The following ASIP variants were observed in gnomAD, a reference collection of about 807,000 sequenced individuals.
ASIP encodes the protein agouti signaling protein.
ASIP carries 11 observed loss-of-function variants against 10.3 expected under a neutral mutation model. The observed-to-expected ratio is 1.07, with a 90% CI of 0.68 to 1.78. The LOEUF (loss-of-function observed/expected upper bound fraction) is 1.78, where lower values mean the gene tolerates loss of function less well. Among genes scored for constraint, ASIP ranks in the 40% most tolerant of loss-of-function variants. The pLI, the probability that ASIP is intolerant of heterozygous loss-of-function variation, is 0.00. For missense variants in ASIP, 180 were observed against 169.2 expected (o/e 1.06, Z -0.35); for synonymous variants, 70 against 70.8 (o/e 0.99, Z 0.06).
At chr20:34,187,023 A>G in the ASIP span, among the ~76,000 whole-genome samples, 1 of 152,182 alleles carries the variant, frequency 6.6e-6, no homozygotes, top group Non-Finnish European at 1.5e-5. Context: ...CGTGTTACCC[A>G]GGATGGTCTC....
At chr20:34,193,240 C>G (rs1210034310), upstream of ASIP, among the ~76,000 whole-genome samples, 2 of 152,222 alleles carry the variant, frequency 1.3e-5, no homozygotes, top group East Asian at 3.8e-4. Flanking sequence ...ACAGCTACAG[C>G]ATTTCTACAA....
chr20:34,244,209 A>G (rs2035332615), intron 1 of ASIP, among the ~76,000 whole-genome samples: 1 of 152,242 alleles, frequency 6.6e-6, no homozygotes, highest in African/African-American at 2.4e-5. Flanking sequence ...AATTTGCAGC[A>G]TCTGATTTAA....
At chr20:34,253,795 G>A (rs2035523343) in intron 1 of ASIP, among the ~76,000 whole-genome samples, 1 of 152,124 alleles carries the variant, frequency 6.6e-6, no homozygotes, top group Admixed American at 6.6e-5. Context: ...GACCTAGGTG[G>A]ACCTAGGGTC....
intron 1 of ASIP, among the ~76,000 whole-genome samples, chr20:34,236,012 AAGAG>A (rs138295630): frequency 5.4e-4 from 61 of 113,822 alleles, no homozygotes; most frequent in Middle Eastern, 4.3e-3. Flanking sequence ...GAAAGAGAGA[AAGAG>A]AGAGAGAAGA....
chr20:34,239,772 G>T (rs922789043), upstream of ASIP, among the ~76,000 whole-genome samples: 1 of 152,110 alleles, frequency 6.6e-6, no homozygotes, highest in African/African-American at 2.4e-5. Context: ...AAAAGAAATT[G>T]GTTCCTAGAA....
At chr20:34,213,397 T>C in intron 1 of ASIP, 1 of 668,390 alleles carries the variant, frequency 1.5e-6, no homozygotes, top group Non-Finnish European at 2.5e-6. Context: ...GAGTGGAGTG[T>C]TGCTATAACC....
At chr20:34,208,023 C>G (rs554904620) in intron 1 of ASIP, among the ~76,000 whole-genome samples, 11 of 152,028 alleles carry the variant, frequency 7.2e-5, no homozygotes, top group Admixed American at 3.3e-4. Flanking sequence ...GTGATCCACC[C>G]GCCTCGGCTT....
intron 1 of ASIP, among the ~76,000 whole-genome samples, chr20:34,255,227 G>A (rs1443845252): frequency 6.6e-6 from 1 of 152,172 alleles, no homozygotes; most frequent in Non-Finnish European, 1.5e-5. Context: ...CTACCCCTTG[G>A]ATTTGTGAAT....
intron 1 of ASIP, among the ~76,000 whole-genome samples, chr20:34,217,096 T>C (rs1363491517): frequency 6.6e-6 from 1 of 152,156 alleles, no homozygotes; most frequent in Non-Finnish European, 1.5e-5. Flanking sequence ...CTGATCTCTT[T>C]CCAATTTGCC....
chr20:34,250,981 C>T (rs1318056433), intron 1 of ASIP, among the ~76,000 whole-genome samples: 1 of 152,120 alleles, frequency 6.6e-6, no homozygotes, highest in East Asian at 1.9e-4. Flanking sequence ...CTTATATTCC[C>T]TCAAGCAGAG....
the ASIP span, among the ~76,000 whole-genome samples, chr20:34,189,360 A>G: frequency 6.6e-6 from 1 of 152,062 alleles, no homozygotes; most frequent in Non-Finnish European, 1.5e-5. Flanking sequence ...CTCCTGCCTC[A>G]GCCTCCTGAG....
chr20:34,214,826 T>A, intron 1 of ASIP: 1 of 1,597,998 alleles, frequency 6.3e-7, no homozygotes, highest in Non-Finnish European at 8.6e-7. Flanking sequence ...CAAAATCCAA[T>A]ATTAGAAGAA....
At chr20:34,239,308 C>T (rs2035252501), upstream of ASIP, among the ~76,000 whole-genome samples, 1 of 152,066 alleles carries the variant, frequency 6.6e-6, no homozygotes, top group Non-Finnish European at 1.5e-5. Flanking sequence ...CCTCTGCCTC[C>T]CAGGTTCAAG....
At position 34,241,474 on chromosome 20, in the gene ASIP, C is replaced by G. The variant is rs545545765; in HGVS notation, c.-26C>G. The stretch of plus-strand genomic sequence containing the variant: ...AAAAGGAAGTTCCTTGGCCTGGGCT[C>G]TTTGCGGGAAAGCATGTGAGTTTAG... On this transcript the variant is annotated 5_prime_UTR_variant, in exon 1 of 4. Coordinates refer to ENST00000374954, the MANE Select transcript of ASIP (RefSeq NM_001672.3). The G allele has an allele frequency of 1.0e-6, 1 of 985,440 alleles. No homozygotes were observed. The highest frequency in any genetic ancestry group is 1.2e-6 in the Non-Finnish European group (1 of 829,934). The allele number at this position is 985,440 out of a possible 1,614,324, so 61.0% of individuals were successfully genotyped here.
chr20:34,226,699 C>T (rs1474081414), intron 1 of ASIP, among the ~76,000 whole-genome samples: 1 of 152,088 alleles, frequency 6.6e-6, no homozygotes, highest in Non-Finnish European at 1.5e-5. Flanking sequence ...AAAGGAACTT[C>T]CTCAGTCTGA....
chr20:34,235,834 A>AAAG (rs1360988262), intron 1 of ASIP, among the ~76,000 whole-genome samples: 1 of 67,228 alleles, frequency 1.5e-5, no homozygotes, highest in African/African-American at 1.6e-4. Flanking sequence ...AGAAAGAAAG[A>AAAG]AAGAAAGAAG....
intron 1 of ASIP, among the ~76,000 whole-genome samples, chr20:34,211,285 T>C (rs967080637): frequency 1.3e-5 from 2 of 152,210 alleles, no homozygotes; most frequent in East Asian, 3.8e-4. Flanking sequence ...TCCTCCCAGT[T>C]TGGCCTTCCT....
In ASIP at chr20:34,268,962, C is replaced by T. The variant is rs1372070337; in HGVS notation, c.223-29C>T. 1.9e-6 allele frequency: 3 copies of T among 1,578,390 alleles called. No individual in the cohort carries two copies. In the East Asian group the frequency reaches 7.0e-5, roughly 37 times the overall value. ...GGACCGGAGGGGTGGGCGTGGCCGG[C>T]TCATAAAGCCCCGGCGTTTCCCACG... On this transcript the variant is annotated intron_variant, in intron 3 of 3. Coordinates refer to ENST00000374954, the MANE Select transcript of ASIP (RefSeq NM_001672.3).
At chr20:34,222,994 G>A (rs1276330804) in intron 1 of ASIP, among the ~76,000 whole-genome samples, 1 of 152,074 alleles carries the variant, frequency 6.6e-6, no homozygotes, top group East Asian at 1.9e-4. Context: ...ACACCTCCCA[G>A]CCACCTGCCT....
Sources: allele counts gnomAD v4.1 joint callset (sites outside exome capture counted in the v4.1 genomes callset), GRCh38; gene constraint gnomAD v4.1.1; transcripts MANE v1.5; gene names NCBI Gene and HGNC (gene_info 2026-07-23, HGNC 2026-07-21).